Variants in TTC39C observed in about 807,000 individuals in gnomAD.
TTC39C encodes the protein tetratricopeptide repeat protein 39C.
In TTC39C, 33 loss-of-function variants were observed where a neutral mutation model predicts 76.3. That is an observed-to-expected ratio of 0.43 (90% CI 0.33 to 0.58). The LOEUF (loss-of-function observed/expected upper bound fraction) is 0.58. Ranked by LOEUF, TTC39C falls within the 20% of genes least tolerant of loss-of-function variation. TTC39C has a pLI of 0.04. For missense variants in TTC39C, 595 were observed against 701.4 expected, an observed-to-expected ratio of 0.85 and a Z score of 1.71; for synonymous variants, 254 against 260.6, an observed-to-expected ratio of 0.97 and a Z score of 0.24.
intron 1 of TTC39C, among the ~76,000 whole-genome samples, chr18:24,026,912 T>C (rs1362290680): frequency 6.6e-6 from 1 of 152,212 alleles, no homozygotes; most frequent in Non-Finnish European, 1.5e-5. Flanking sequence ...AACTCTTTGG[T>C]ACTATTCTAA....
chr18:24,066,017 C>A lies in TTC39C; in HGVS notation c.222C>A (p.Ala74=). 1.3e-6 allele frequency: 2 copies of A among 1,577,070 alleles called. No individual in the cohort carries two copies. Among genetic ancestry groups the A allele is most frequent in the South Asian group, 1.2e-5 (1 of 84,540 alleles). Residue 74 remains alanine (A), a synonymous_variant, in exon 3 of 14, where the codon GCC becomes GCA. Coordinates refer to ENST00000317571, the MANE Select transcript of TTC39C (RefSeq NM_001135993.2). ...FGASFVSFLN[A]MMTFEEEKMQ... ...CATTCTTTCTTTCTTGGAAGAATGC[C>A]ATGATGACATTTGAGGAAGAAAAAA...
At chr18:24,069,314 C>G (rs1481186702) in intron 4 of TTC39C, 43 bp downstream of exon 4, 1 of 1,508,426 alleles carries the variant, frequency 6.6e-7, no homozygotes, top group South Asian at 1.1e-5. Context: ...GTATTCAGTG[C>G]ACACAATTAG....
intron 1 of TTC39C, among the ~76,000 whole-genome samples, chr18:24,058,509 G>T (rs1387061435): frequency 6.6e-6 from 1 of 151,996 alleles, no homozygotes; most frequent in Non-Finnish European, 1.5e-5. Flanking sequence ...ACAAAAATTA[G>T]CCGGGTGTGG....
intron 4 of TTC39C, among the ~76,000 whole-genome samples, chr18:24,070,934 T>C (rs1307787630): frequency 6.6e-6 from 1 of 152,092 alleles, no homozygotes; most frequent in Admixed American, 6.5e-5. Flanking sequence ...AACTTTTTTG[T>C]TTTTTGTTTT....
intron 1 of TTC39C, among the ~76,000 whole-genome samples, chr18:24,026,704 T>G (rs1443774328): frequency 2.6e-5 from 4 of 152,192 alleles, no homozygotes; most frequent in Admixed American, 2.6e-4. Context: ...TCACTCCCAG[T>G]GCCTACAGCT....
intron 1 of TTC39C, among the ~76,000 whole-genome samples, chr18:24,006,000 C>A (rs1052638491): frequency 7.0e-6 from 1 of 142,496 alleles, no homozygotes; most frequent in South Asian, 2.3e-4. Context: ...GGTAAGTGAG[C>A]TTATCCTACA....
At chr18:24,064,440 A>T (rs2084141250) in intron 2 of TTC39C, among the ~76,000 whole-genome samples, 1 of 152,224 alleles carries the variant, frequency 6.6e-6, no homozygotes, top group Non-Finnish European at 1.5e-5. Flanking sequence ...TAAAAATGTA[A>T]TGGAAAGACC....
intron 1 of TTC39C, among the ~76,000 whole-genome samples, chr18:24,051,645 C>T (rs1199603739): frequency 2.0e-5 from 3 of 152,304 alleles, no homozygotes; most frequent in Middle Eastern, 3.4e-3. Context: ...ATTAAAAGGT[C>T]CCTAAAGGTC....
chr18:24,081,420 G>T (rs920900229), intron 5 of TTC39C, among the ~76,000 whole-genome samples: 1 of 152,056 alleles, frequency 6.6e-6, no homozygotes, highest in African/African-American at 2.4e-5. Flanking sequence ...ATGTTCCTTG[G>T]TTTAAACTTA....
intron 6 of TTC39C, among the ~76,000 whole-genome samples, chr18:24,111,923 A>ATT (rs1225602603): frequency 1.3e-5 from 2 of 150,358 alleles, no homozygotes; most frequent in South Asian, 2.1e-4. Flanking sequence ...ATATATATAT[A>ATT]TTTTTTTTGG....
chr18:23,994,067 A>C (rs2083240546), intron 1 of TTC39C: 1 of 152,228 alleles, frequency 6.6e-6, no homozygotes. Flanking sequence ...TGAATCTCTG[A>C]AAAGATATGA....
chr18:24,095,385 A>G (rs1035681866), intron 6 of TTC39C, among the ~76,000 whole-genome samples: 1 of 152,224 alleles, frequency 6.6e-6, no homozygotes, highest in African/African-American at 2.4e-5. Flanking sequence ...GTTCACTGGA[A>G]TAGCACTTGT....
At chr18:24,107,240 A>G (rs1184985693) in intron 6 of TTC39C, among the ~76,000 whole-genome samples, 1 of 152,108 alleles carries the variant, frequency 6.6e-6, no homozygotes, top group Non-Finnish European at 1.5e-5. Flanking sequence ...TAGCTCCCAA[A>G]TACCTCATGA....
chr18:24,053,907 G>A (rs949970485), intron 1 of TTC39C, among the ~76,000 whole-genome samples: 2 of 152,124 alleles, frequency 1.3e-5, no homozygotes, highest in Non-Finnish European at 2.9e-5. Context: ...CAGTGGGGGA[G>A]GAGTTAGCTA....
chr18:24,017,450 G>T (rs920023579), intron 1 of TTC39C, among the ~76,000 whole-genome samples: 1 of 152,178 alleles, frequency 6.6e-6, no homozygotes, highest in African/African-American at 2.4e-5. Flanking sequence ...CCATGGCCCC[G>T]ACTAAGTGTA....
intron 6 of TTC39C, among the ~76,000 whole-genome samples, chr18:24,094,955 A>G (rs2084570181): frequency 1.3e-5 from 2 of 152,248 alleles, no homozygotes; most frequent in African/African-American, 2.4e-5. Flanking sequence ...TTTGAAGCCA[A>G]ACATGGACTT....
intron 6 of TTC39C, among the ~76,000 whole-genome samples, chr18:24,102,815 G>T (rs1461103306): frequency 6.6e-6 from 1 of 152,164 alleles, no homozygotes; most frequent in African/African-American, 2.4e-5. Context: ...TTGCTTAAAC[G>T]CTCTTTACCT....
intron 1 of TTC39C, among the ~76,000 whole-genome samples, chr18:24,039,293 A>G (rs2083765418): frequency 6.6e-6 from 1 of 152,244 alleles, no homozygotes; most frequent in South Asian, 2.1e-4. Flanking sequence ...GAAGTCTCCC[A>G]GGGTACTGGG....
rs1555775345 is a variant in TTC39C at position 24,092,123 on chromosome 18, A to AAATAATAATAATAAT, written c.984+9055_984+9056insATAATAATAATAATA. The stretch of plus-strand genomic sequence containing the variant: ...AAAAAAAAAAAAAAAAAAAAAAAAA[A>AAATAATAATAATAAT]AATAATAATAATAGACAACGGATCT... On this transcript the variant is annotated intron_variant, in intron 6 of 13. Transcript: ENST00000317571. Among the ~76,000 whole-genome samples, 42 of 50,534 alleles carry AAATAATAATAATAAT rather than the reference A, an allele frequency of 8.3e-4. No individual in the cohort carries two copies. In the East Asian group the frequency reaches 0.011, roughly 13 times the overall value. The allele number at this position is 50,534 out of a possible 152,430, so 33.2% of individuals were successfully genotyped here. A position where few individuals can be genotyped will look rare whatever the true frequency, so the allele number is the denominator to read the frequency against.
Sources: gnomAD v4.1 joint callset for allele counts (sites outside exome capture counted in the v4.1 genomes callset) on GRCh38, gnomAD v4.1.1 for gene constraint, MANE v1.5 for transcripts, NCBI Gene and HGNC (gene_info 2026-07-23, HGNC 2026-07-21) for gene names.